PHACTR3: variants seen among roughly 807,000 people sequenced by gnomAD.
PHACTR3 encodes the protein phosphatase and actin regulator 3.
In PHACTR3, 16 loss-of-function variants were observed where a neutral mutation model predicts 66.8. That is an observed-to-expected ratio of 0.24 (90% CI 0.16 to 0.36). PHACTR3 has a LOEUF of 0.36. PHACTR3 is among the 10% of genes least tolerant of loss of function. The probability of loss-of-function intolerance (pLI) is 1.00; values close to 1 mark genes in which losing one functional copy is unlikely to be tolerated. For missense variants in PHACTR3, 647 were observed against 719.9 expected (o/e 0.90, Z 1.16); for synonymous variants, 323 against 292.1 (o/e 1.11, Z -1.08).
intron 3 of PHACTR3, among the ~76,000 whole-genome samples, chr20:59,750,732 G>C (rs529736049): frequency 1.3e-5 from 2 of 152,178 alleles, no homozygotes; most frequent in Non-Finnish European, 2.9e-5. Flanking sequence ...ATCAGGGACC[G>C]GGCAGCAGGG....
intron 7 of PHACTR3, among the ~76,000 whole-genome samples, chr20:59,799,905 G>A (rs1012738470): frequency 2.6e-4 from 40 of 152,078 alleles, no homozygotes; most frequent in African/African-American, 8.9e-4. Context: ...TTTGGATTGA[G>A]TGATTCTTTT....
intron 1 of PHACTR3, among the ~76,000 whole-genome samples, chr20:59,671,898 C>T (rs1323853727): frequency 1.3e-5 from 2 of 152,242 alleles, no homozygotes; most frequent in Non-Finnish European, 2.9e-5. Context: ...GTGTATCCAG[C>T]CTGGCCTCTC....
chr20:59,753,055 G>A (rs1424175400), intron 3 of PHACTR3, among the ~76,000 whole-genome samples: 1 of 152,112 alleles, frequency 6.6e-6, no homozygotes, highest in Non-Finnish European at 1.5e-5. Flanking sequence ...GGGTTGGTGG[G>A]CTGTTATAGC....
At chr20:59,604,068 C>A (rs1289046614), upstream of PHACTR3, 2 of 153,404 alleles carry the variant, frequency 1.3e-5, no homozygotes, top group African/African-American at 2.4e-5. Context: ...GCCCCCCCGC[C>A]CCCCGGCAGG....
intron 5 of PHACTR3, among the ~76,000 whole-genome samples, chr20:59,772,476 A>G (rs1312107865): frequency 1.3e-5 from 2 of 152,138 alleles, no homozygotes; most frequent in Admixed American, 1.3e-4. Flanking sequence ...GTCCCAGGGG[A>G]CAGGAGACGA....
intron 8 of PHACTR3, among the ~76,000 whole-genome samples, chr20:59,823,022 G>A (rs2042094073): frequency 6.6e-6 from 1 of 152,244 alleles, no homozygotes; most frequent in South Asian, 2.1e-4. Context: ...AAAGCGGAAG[G>A]AGCTGGAGGG....
chr20:59,845,462 G>C (rs1430607685), intron 12 of PHACTR3, among the ~76,000 whole-genome samples, 197 bp downstream of exon 12: 1 of 152,122 alleles, frequency 6.6e-6, no homozygotes, highest in African/African-American at 2.4e-5. Flanking sequence ...GGTGAAAGGT[G>C]ATATGTATGG....
At position 59,840,376 on chromosome 20, in the gene PHACTR3, TG is replaced by T; in HGVS notation, c.1393del (p.Asp465IlefsTer15). On this transcript the variant is annotated frameshift_variant, in exon 10 of 13. Coordinates refer to ENST00000371015, the MANE Select transcript of PHACTR3 (RefSeq NM_080672.5). LOFTEE classifies it high-confidence loss of function. ...TATTTTAATCTTTCACAGAAAGGAA[TG>T]ATCAGACAGAGCAGGAAGAAAGAAG... ...ERRNILKQRN[D>X]QTEQEERREI... The T allele has an allele frequency of 6.2e-7, 1 of 1,611,050 alleles. No homozygotes were observed. The highest frequency in any genetic ancestry group is 8.5e-7 in the Non-Finnish European group (1 of 1,178,576).
In PHACTR3 at chr20:59,841,469, A is replaced by G; in HGVS notation, c.1521A>G (p.Val507=). 6.2e-7 allele frequency: 1 copy of G among 1,613,808 alleles called. No homozygotes were observed. The highest frequency in any genetic ancestry group is 8.5e-7 in the Non-Finnish European group (1 of 1,179,790). ...ILIRFSDYVE[V]AKAQDYDRRA... ...TACGATTCAGTGATTACGTGGAAGT[A>G]GCAAAAGCGCAGGACTATGACAGGA... The change falls in exon 11 of 13, where the codon GTA becomes GTG. Residue 507 remains valine, a synonymous_variant. Transcript: ENST00000371015.
In PHACTR3 at chr20:59,605,150, GGC is replaced by G; in HGVS notation, c.118+20_118+21del. On this transcript the variant is annotated intron_variant, in intron 1 of 12. Coordinates refer to ENST00000371015, the MANE Select transcript of PHACTR3 (RefSeq NM_080672.5). ...GAACCCAGGTAACGGGCTGGGCGGG[GGC>G]GGCGGGCGGGTCGGGGAGGCCCGAG... 7.7e-7 allele frequency: 1 copy of G among 1,299,428 alleles called. No individual in the cohort carries two copies. The highest frequency in any genetic ancestry group is 9.9e-7 in the Non-Finnish European group (1 of 1,014,336). The allele number at this position is 1,299,428 out of a possible 1,614,324, so 80.5% of individuals were successfully genotyped here. A position where few individuals can be genotyped will look rare whatever the true frequency, so the allele number is the denominator to read the frequency against.
At chr20:59,805,943 C>T (rs1855990280) in intron 7 of PHACTR3, 98 bp from the exon 8 acceptor site, 2 of 1,343,452 alleles carry the variant, frequency 1.5e-6, no homozygotes, top group Non-Finnish European at 2.1e-6. Flanking sequence ...TGGAGTCCTT[C>T]CTCTGGCAGG....
At chr20:59,740,328 G>T (rs1383460036) in intron 1 of PHACTR3, among the ~76,000 whole-genome samples, 1 of 151,822 alleles carries the variant, frequency 6.6e-6, no homozygotes, top group Non-Finnish European at 1.5e-5. Flanking sequence ...TTTTTTTAGA[G>T]ACAGGGTCTC....
At chr20:59,744,403 A>G (rs1175283237) in intron 2 of PHACTR3, among the ~76,000 whole-genome samples, 1 of 152,190 alleles carries the variant, frequency 6.6e-6, no homozygotes, top group East Asian at 1.9e-4. Context: ...TGTGAGCCAC[A>G]CCTAAAAACA....
intron 3 of PHACTR3, among the ~76,000 whole-genome samples, chr20:59,750,360 C>T (rs938828642): frequency 3.3e-5 from 5 of 152,202 alleles, no homozygotes; most frequent in East Asian, 3.9e-4. Context: ...AAATTAGATG[C>T]GCTGGGCGTG....
intron 1 of PHACTR3, among the ~76,000 whole-genome samples, chr20:59,693,252 C>T (rs1423406914): frequency 6.6e-6 from 1 of 152,210 alleles, no homozygotes; most frequent in African/African-American, 2.4e-5. Flanking sequence ...TGACTTGTTG[C>T]ATCTATGTGC....
chr20:59,776,020 T>A (rs983625034), intron 7 of PHACTR3, among the ~76,000 whole-genome samples: 1 of 152,190 alleles, frequency 6.6e-6, no homozygotes, highest in Non-Finnish European at 1.5e-5. Context: ...AGGGGCAGAA[T>A]CACCCCCAGC....
intron 1 of PHACTR3, among the ~76,000 whole-genome samples, chr20:59,595,651 G>C (rs6100518): frequency 0.26 from 38,809 of 151,992 alleles, 5,615 homozygotes; most frequent in Non-Finnish European, 0.34. Context: ...TTTTCTGCTT[G>C]ATGGGTCTGT....
At chr20:59,778,724 G>A (rs534168651) in intron 7 of PHACTR3, among the ~76,000 whole-genome samples, 32 of 152,292 alleles carry the variant, frequency 2.1e-4, no homozygotes, top group African/African-American at 7.0e-4. Context: ...ATGGGCCAAT[G>A]GGGGATTAGA....
chr20:59,822,070 G>GCAATCC (rs1568856265), intron 8 of PHACTR3, among the ~76,000 whole-genome samples: 1 of 37,264 alleles, frequency 2.7e-5, no homozygotes, highest in Non-Finnish European at 4.3e-5. Flanking sequence ...GATCCGCCCC[G>GCAATCC]CAACGATCCC....
Sources: gnomAD v4.1 joint callset for allele counts (sites outside exome capture counted in the v4.1 genomes callset) on GRCh38, gnomAD v4.1.1 for gene constraint, MANE v1.5 for transcripts, NCBI Gene and HGNC (gene_info 2026-07-23, HGNC 2026-07-21) for gene names.